Variants in CTNNA3 observed in about 807,000 individuals in gnomAD.
The protein encoded by CTNNA3 is catenin alpha 3, also known as catenin alpha-3.
CTNNA3 carries 76 observed loss-of-function variants against 95.7 expected under a neutral mutation model. The ratio of observed to expected loss-of-function variants is 0.79; its 90% CI spans 0.66 to 0.96. The LOEUF is 0.96. Among genes scored for constraint, CTNNA3 ranks in the 40% least tolerant of loss-of-function variants. CTNNA3 has a pLI of 0.00. For missense variants in CTNNA3, 1,191 were observed against 1,089.8 expected, an observed-to-expected ratio of 1.09 and a Z score of -1.31; for synonymous variants, 431 against 374.4, an observed-to-expected ratio of 1.15 and a Z score of -1.74.
At position 67,265,428 on chromosome 10, in the gene CTNNA3, G is replaced by A. The variant is rs79155486; in HGVS notation, c.580-45558C>T. On this transcript the variant is annotated intron_variant, in intron 5 of 17. Coordinates refer to ENST00000433211, the MANE Select transcript of CTNNA3 (RefSeq NM_013266.4). ...GAGATTTTCAGCATATTTGCAAGGA[G>A]GGTGCTAACAAAAGATGGATAACTT... Among the ~76,000 whole-genome samples the A allele has an allele frequency of 4.1e-3, 623 of 152,198 alleles. 5 individuals carry two copies. The highest frequency in any genetic ancestry group is 0.014 in the African/African-American group (588 of 41,532).
At chr10:67,504,263 TA>T (rs1839351370) in intron 5 of CTNNA3, among the ~76,000 whole-genome samples, 1 of 150,022 alleles carries the variant, frequency 6.7e-6, no homozygotes, top group South Asian at 2.1e-4. Flanking sequence ...CCATCCTGGC[TA>T]ACACGGTGAA....
At chr10:67,582,781 T>C (rs1377950797) in intron 3 of CTNNA3, among the ~76,000 whole-genome samples, 3 of 152,294 alleles carry the variant, frequency 2.0e-5, no homozygotes, top group Middle Eastern at 6.8e-3. Flanking sequence ...AGTTAGCTCT[T>C]CTTGTTGAAT....
At chr10:66,443,138 T>C (rs2093388417) in intron 11 of CTNNA3, among the ~76,000 whole-genome samples, 1 of 152,048 alleles carries the variant, frequency 6.6e-6, no homozygotes, top group African/African-American at 2.4e-5. Flanking sequence ...CAGGCTTGAT[T>C]AGGTAAACAA....
chr10:66,387,734 G>T (rs536332083), intron 11 of CTNNA3, among the ~76,000 whole-genome samples: 3 of 152,148 alleles, frequency 2.0e-5, no homozygotes, highest in Non-Finnish European at 4.4e-5. Flanking sequence ...AGAAAATGTG[G>T]CACATATACA....
intron 9 of CTNNA3, among the ~76,000 whole-genome samples, chr10:66,661,289 C>T (rs957214308): frequency 3.9e-5 from 6 of 151,998 alleles, no homozygotes; most frequent in African/African-American, 1.5e-4. Flanking sequence ...AGAATCATGG[C>T]GGGAGGCAAA....
At chr10:66,363,222 C>G (rs986287130) in intron 12 of CTNNA3, among the ~76,000 whole-genome samples, 3 of 152,168 alleles carry the variant, frequency 2.0e-5, no homozygotes, top group African/African-American at 7.2e-5. Flanking sequence ...AGAAAGGACA[C>G]AAAACTGGTA....
intron 11 of CTNNA3, among the ~76,000 whole-genome samples, chr10:66,401,517 A>AC (rs2093020730): frequency 9.6e-6 from 1 of 103,876 alleles, no homozygotes; most frequent in Non-Finnish European, 1.9e-5. Flanking sequence ...CTGTGTCTCA[A>AC]AACACACACA....
chr10:66,227,899 C>G (rs79247779), intron 13 of CTNNA3, among the ~76,000 whole-genome samples: 1 of 152,076 alleles, frequency 6.6e-6, no homozygotes, highest in East Asian at 1.9e-4. Context: ...GTTCAGTCTT[C>G]GAAGGTGGAT....
At chr10:66,941,550 G>T (rs1324012664) in intron 7 of CTNNA3, among the ~76,000 whole-genome samples, 1 of 152,036 alleles carries the variant, frequency 6.6e-6, no homozygotes, top group Non-Finnish European at 1.5e-5. Context: ...CAACCTGTCT[G>T]TTGCTAGAAT....
chr10:66,668,251 TA>T (rs1846526995), intron 9 of CTNNA3, among the ~76,000 whole-genome samples: 1 of 151,288 alleles, frequency 6.6e-6, no homozygotes, highest in African/African-American at 2.5e-5. Context: ...GGAAACTATA[TA>T]GGGGAATATA....
At chr10:67,483,106 G>A (rs970503513) in intron 5 of CTNNA3, among the ~76,000 whole-genome samples, 1 of 151,776 alleles carries the variant, frequency 6.6e-6, no homozygotes, top group Non-Finnish European at 1.5e-5. Context: ...TCATTAAAAG[G>A]TCAGGACACA....
At chr10:66,774,175 C>T (rs191642656) in intron 8 of CTNNA3, among the ~76,000 whole-genome samples, 8 of 152,242 alleles carry the variant, frequency 5.3e-5, no homozygotes, top group East Asian at 1.9e-4. Flanking sequence ...GGAAAAGACA[C>T]GAACGAGAGA....
chr10:66,846,615 C>A (rs1359552142), intron 7 of CTNNA3, among the ~76,000 whole-genome samples: 3 of 151,400 alleles, frequency 2.0e-5, no homozygotes, highest in African/African-American at 4.9e-5. Context: ...ACACAAATTT[C>A]ATTTGTCAGT....
At chr10:67,445,577 A>G (rs529333003) in intron 5 of CTNNA3, among the ~76,000 whole-genome samples, 1 of 152,094 alleles carries the variant, frequency 6.6e-6, no homozygotes, top group South Asian at 2.1e-4. Context: ...ATCACCTCCT[A>G]TTAGGCCCTA....
At chr10:67,665,020 G>A (rs1840296135) in intron 1 of CTNNA3, among the ~76,000 whole-genome samples, 2 of 152,192 alleles carry the variant, frequency 1.3e-5, no homozygotes. Context: ...TACAATTTTT[G>A]TGTCTAAAGT....
chr10:67,323,875 T>G (rs1841429943), intron 5 of CTNNA3, among the ~76,000 whole-genome samples: 1 of 152,190 alleles, frequency 6.6e-6, no homozygotes, highest in African/African-American at 2.4e-5. Flanking sequence ...TAATCTCTGA[T>G]TTCTTTGAGC....
intron 15 of CTNNA3, among the ~76,000 whole-genome samples, chr10:66,065,505 C>T (rs767059174): frequency 3.2e-4 from 48 of 152,110 alleles, no homozygotes; most frequent in Non-Finnish European, 6.2e-4. Flanking sequence ...TTCACCATTT[C>T]GTAAAGCAAA....
intron 16 of CTNNA3, among the ~76,000 whole-genome samples, chr10:65,970,672 T>A (rs930345420): frequency 6.7e-6 from 1 of 148,246 alleles, no homozygotes; most frequent in African/African-American, 2.4e-5. Context: ...TAAAATATAA[T>A]ATATATAACA....
chr10:67,418,963 A>G (rs1845642745), intron 5 of CTNNA3, among the ~76,000 whole-genome samples: 1 of 151,458 alleles, frequency 6.6e-6, no homozygotes, highest in African/African-American at 2.4e-5. Context: ...CACATGATAA[A>G]TATACATAAT....
Sources: gnomAD v4.1 joint callset for allele counts (sites outside exome capture counted in the v4.1 genomes callset) on GRCh38, gnomAD v4.1.1 for gene constraint, MANE v1.5 for transcripts, NCBI Gene and HGNC (gene_info 2026-07-23, HGNC 2026-07-21) for gene names.